Variants in CCDC60 observed in about 807,000 individuals in gnomAD.
The protein encoded by CCDC60 is coiled-coil domain-containing protein 60.
CCDC60 carries 54 observed loss-of-function variants against 63.5 expected under a neutral mutation model. The observed-to-expected ratio is 0.85, with a 90% CI of 0.68 to 1.07. The LOEUF is 1.07. Among genes scored for constraint, CCDC60 ranks in the 50% least tolerant of loss-of-function variants. The pLI, the probability that CCDC60 is intolerant of heterozygous loss-of-function variation, is 0.00. For synonymous variants in CCDC60, 206 were observed against 238.8 expected, an observed-to-expected ratio of 0.86 and a Z score of 1.27; for missense variants, 651 against 684.3, an observed-to-expected ratio of 0.95 and a Z score of 0.54.
At chr12:119,416,390 G>GATA (rs1419443781) in intron 1 of CCDC60, among the ~76,000 whole-genome samples, 2 of 151,922 alleles carry the variant, frequency 1.3e-5, no homozygotes, top group Non-Finnish European at 2.9e-5. Flanking sequence ...AAATAATAAT[G>GATA]ATAATAATAA....
intron 5 of CCDC60, among the ~76,000 whole-genome samples, chr12:119,498,225 T>C (rs1951758178): frequency 6.6e-6 from 1 of 152,176 alleles, no homozygotes; most frequent in Admixed American, 6.6e-5. Flanking sequence ...TTGCCTTCTA[T>C]ATCTGAGCAC....
intron 5 of CCDC60, among the ~76,000 whole-genome samples, chr12:119,491,415 G>A (rs1413039996): frequency 7.2e-5 from 11 of 152,056 alleles, no homozygotes; most frequent in East Asian, 1.9e-4. Flanking sequence ...TGCAACCTCC[G>A]CCTCCTGGGT....
chr12:119,378,088 C>T (rs1486911725), intron 1 of CCDC60, among the ~76,000 whole-genome samples: 4 of 152,282 alleles, frequency 2.6e-5, no homozygotes, highest in South Asian at 2.1e-4. Flanking sequence ...ACATAGAGCC[C>T]GAGAGATCAG....
chr12:119,430,536 G>A (rs904026301), intron 2 of CCDC60, among the ~76,000 whole-genome samples: 17 of 151,876 alleles, frequency 1.1e-4, no homozygotes, highest in African/African-American at 4.1e-4. Flanking sequence ...GCATGGTGGT[G>A]GGCGCCTGTA....
chr12:119,367,480 A>G (rs548572486), intron 1 of CCDC60, among the ~76,000 whole-genome samples: 6 of 152,300 alleles, frequency 3.9e-5, no homozygotes, highest in African/African-American at 1.4e-4. Flanking sequence ...ATCTTCACAT[A>G]TTTATTTAAA....
At chr12:119,518,045 T>C (rs1952401548) in intron 8 of CCDC60, among the ~76,000 whole-genome samples, 1 of 152,156 alleles carries the variant, frequency 6.6e-6, no homozygotes, top group African/African-American at 2.4e-5. Context: ...ACAATTACAG[T>C]TCACTGCGCA....
chr12:119,458,228 C>T (rs2136298484), intron 2 of CCDC60, among the ~76,000 whole-genome samples: 1 of 152,246 alleles, frequency 6.6e-6, no homozygotes, highest in East Asian at 1.9e-4. Flanking sequence ...TGAAAATTTC[C>T]CATGTAGGCA....
chr12:119,498,387 C>A (rs1311243731), intron 5 of CCDC60, among the ~76,000 whole-genome samples: 1 of 151,998 alleles, frequency 6.6e-6, no homozygotes, highest in Non-Finnish European at 1.5e-5. Context: ...GGCTGGAGTG[C>A]AATGGTGCGA....
chr12:119,396,908 G>A (rs1262489665), intron 1 of CCDC60, among the ~76,000 whole-genome samples: 1 of 152,180 alleles, frequency 6.6e-6, no homozygotes, highest in Admixed American at 6.5e-5. Flanking sequence ...CTCGCAGTGG[G>A]TGTTACATTT....
intron 1 of CCDC60, among the ~76,000 whole-genome samples, chr12:119,386,711 A>G (rs1347842717): frequency 6.6e-6 from 1 of 152,164 alleles, no homozygotes. Context: ...CAATGATTTA[A>G]TGGCCACATG....
intron 1 of CCDC60, among the ~76,000 whole-genome samples, chr12:119,363,444 T>TGA (rs994590895): frequency 1.1e-4 from 17 of 152,156 alleles, no homozygotes; most frequent in East Asian, 3.9e-4. Flanking sequence ...TGTGTGTGTG[T>TGA]GTATTCACGA....
chr12:119,530,053 G>A (rs1952793618), intron 12 of CCDC60, among the ~76,000 whole-genome samples: 1 of 152,132 alleles, frequency 6.6e-6, no homozygotes, highest in Non-Finnish European at 1.5e-5. Context: ...CTATGAGTTA[G>A]GCAGTATTCT....
chr12:119,538,056 G>A (rs1472950960), intron 13 of CCDC60, among the ~76,000 whole-genome samples: 3 of 152,252 alleles, frequency 2.0e-5, no homozygotes, highest in African/African-American at 7.2e-5. Context: ...GCCTTGCTGA[G>A]CTGTGGTGGA....
At chr12:119,423,645 T>C (rs1025715572) in intron 1 of CCDC60, among the ~76,000 whole-genome samples, 5 of 152,240 alleles carry the variant, frequency 3.3e-5, no homozygotes, top group Admixed American at 2.0e-4. Flanking sequence ...CCAGGGCTTC[T>C]GAAGGCCACC....
intron 2 of CCDC60, among the ~76,000 whole-genome samples, chr12:119,436,648 C>G (rs1212629755): frequency 2.0e-5 from 3 of 151,670 alleles, no homozygotes; most frequent in Admixed American, 2.0e-4. Context: ...AAGCGATTCT[C>G]CTGCCTCAGC....
chr12:119,371,513 C>T (rs1381777749), intron 1 of CCDC60, among the ~76,000 whole-genome samples: 13 of 152,200 alleles, frequency 8.5e-5, no homozygotes, highest in Non-Finnish European at 2.9e-5. Flanking sequence ...AAAACAACTA[C>T]CCTTATAGTC....
intron 13 of CCDC60, 122 bp downstream of exon 13, chr12:119,531,185 T>A (rs573569225): frequency 1.5e-5 from 12 of 799,284 alleles, no homozygotes; most frequent in Middle Eastern, 3.9e-4. Context: ...GAGCTCATAT[T>A]CTAATAGTAG....
chr12:119,347,710 TG>T (rs1565965123), intron 1 of CCDC60, among the ~76,000 whole-genome samples: 1 of 152,214 alleles, frequency 6.6e-6, no homozygotes, highest in Non-Finnish European at 1.5e-5. Flanking sequence ...TCCATATATA[TG>T]AATACCATTC....
At chr12:119,440,606 G>A (rs966925457) in intron 2 of CCDC60, among the ~76,000 whole-genome samples, 1 of 152,154 alleles carries the variant, frequency 6.6e-6, no homozygotes, top group Non-Finnish European at 1.5e-5. Flanking sequence ...ATGTGTTGTA[G>A]GATGGGTTCC....
Sources: allele counts gnomAD v4.1 joint callset (sites outside exome capture counted in the v4.1 genomes callset), GRCh38; gene constraint gnomAD v4.1.1; transcripts MANE v1.5; gene names NCBI Gene and HGNC (gene_info 2026-07-23, HGNC 2026-07-21).